The following ARHGEF12 variants were observed in gnomAD, a reference collection of about 807,000 sequenced individuals.
The protein encoded by ARHGEF12 is Rho guanine nucleotide exchange factor 12.
In ARHGEF12, 66 loss-of-function variants were observed where a neutral mutation model predicts 211.2. That is an observed-to-expected ratio of 0.31 (90% CI 0.26 to 0.38). The LOEUF (loss-of-function observed/expected upper bound fraction) is 0.38, where lower values mean the gene tolerates loss of function less well. ARHGEF12 is among the 10% of genes least tolerant of loss of function. ARHGEF12 has a pLI of 1.00. For missense variants in ARHGEF12, 1,429 were observed against 1,869.5 expected (o/e 0.76, Z 4.34); for synonymous variants, 592 against 638.4 (o/e 0.93, Z 1.09).
At chr11:120,374,573 A>G (rs1437441476) in intron 1 of ARHGEF12, among the ~76,000 whole-genome samples, 4 of 152,186 alleles carry the variant, frequency 2.6e-5, no homozygotes, top group Non-Finnish European at 4.4e-5. Flanking sequence ...TCTGGGGTAG[A>G]TGGCCTTACG....
At chr11:120,451,981 A>G (rs1257100989) in intron 22 of ARHGEF12, among the ~76,000 whole-genome samples, 2 of 152,210 alleles carry the variant, frequency 1.3e-5, no homozygotes, top group African/African-American at 4.8e-5. Flanking sequence ...TTATACACAG[A>G]TGCTTGCCTC....
In ARHGEF12 at chr11:120,486,526, T is replaced by C. The variant is rs189900551; in HGVS notation, c.*1449T>C. The C allele has an allele frequency of 5.7e-5, 13 of 228,732 alleles. No individual in the cohort carries two copies. The highest frequency in any genetic ancestry group is 5.1e-4 in the Admixed American group (9 of 17,650). 14.2% of individuals were successfully genotyped at this position (228,732 alleles called of 1,614,324 possible). ...TAATTTGAGAACTCCTTCAATTATA[T>C]TGACTTTCTTTGGTTTTCCTTGTGC... On this transcript the variant is annotated 3_prime_UTR_variant, in exon 41 of 41. Coordinates refer to ENST00000397843, the MANE Select transcript of ARHGEF12 (RefSeq NM_015313.3).
At chr11:120,401,098 G>A (rs1944537507) in intron 1 of ARHGEF12, among the ~76,000 whole-genome samples, 1 of 152,094 alleles carries the variant, frequency 6.6e-6, no homozygotes, top group Admixed American at 6.5e-5. Flanking sequence ...TCATGCTTTG[G>A]TTCTATATGC....
intron 22 of ARHGEF12, among the ~76,000 whole-genome samples, 155 bp downstream of exon 22, chr11:120,451,879 G>A (rs568309011): frequency 2.0e-5 from 3 of 152,112 alleles, no homozygotes; most frequent in Non-Finnish European, 2.9e-5. Flanking sequence ...AATCTATGCC[G>A]AATGATAACT....
intron 1 of ARHGEF12, among the ~76,000 whole-genome samples, chr11:120,383,027 T>C (rs1943921058): frequency 6.6e-6 from 1 of 152,124 alleles, no homozygotes; most frequent in Non-Finnish European, 1.5e-5. Context: ...TGGTCCCAGC[T>C]GCTTGGGAGG....
Position 120,420,856 on chromosome 11 carries a change from G to A in ARHGEF12, c.298+5G>A. On this transcript the variant is annotated splice_donor_5th_base_variant and intron_variant, in intron 5 of 40. Transcript: ENST00000397843. ...TCGTACAGTCTGTCAAAGAAGGCAA[G>A]GCATTTTAAAAAACAATTTATCACT... 6.2e-7 allele frequency: 1 copy of A among 1,612,458 alleles called. No individual in the cohort carries two copies. The highest frequency in any genetic ancestry group is 8.5e-7 in the Non-Finnish European group (1 of 1,178,870).
At chr11:120,466,155 C>G (rs1946700908) in intron 28 of ARHGEF12, among the ~76,000 whole-genome samples, 1 of 152,204 alleles carries the variant, frequency 6.6e-6, no homozygotes, top group Non-Finnish European at 1.5e-5. Context: ...CAGGTTCCTC[C>G]CTTGAGAGTT....
chr11:120,420,268 C>A (rs1945146585), intron 4 of ARHGEF12, among the ~76,000 whole-genome samples: 1 of 152,052 alleles, frequency 6.6e-6, no homozygotes, highest in Non-Finnish European at 1.5e-5. Flanking sequence ...TTACTGTTTT[C>A]CTGAGTATAT....
rs960704580 is a variant in ARHGEF12 at position 120,336,542 on chromosome 11, T to C, written c.-702T>C. 6.6e-6 allele frequency among the ~76,000 whole-genome samples: 1 copy of C among 151,900 alleles called. No homozygotes were observed. Among genetic ancestry groups the C allele is most frequent in the Non-Finnish European group, 1.5e-5 (1 of 67,916 alleles). On this transcript the variant is annotated 5_prime_UTR_variant, in exon 1 of 41. Coordinates refer to ENST00000397843, the MANE Select transcript of ARHGEF12 (RefSeq NM_015313.3). ...AGCGTCGGGGAGGAGCCGCCGCCTC[T>C]GGCGATTGCGGAAGAGTCCGGGCCT...
At position 120,467,091 on chromosome 11, in the gene ARHGEF12, TAA is replaced by T. The variant is rs1591630532; in HGVS notation, c.2740-102_2740-101del. 6 of 676,822 alleles carry T rather than the reference TAA, an allele frequency of 8.9e-6. No individual in the cohort carries two copies. In the East Asian group the frequency reaches 1.6e-4, roughly 19 times the overall value. 41.9% of individuals were successfully genotyped at this position (676,822 alleles called of 1,614,324 possible). A position where few individuals can be genotyped will look rare whatever the true frequency, so the allele number is the denominator to read the frequency against. On this transcript the variant is annotated intron_variant, in intron 28 of 40. Coordinates refer to ENST00000397843, the MANE Select transcript of ARHGEF12 (RefSeq NM_015313.3). ...TTGGCATTTTTTAAAGATCTTGATT[TAA>T]TAACCAGAACTGTGATGCATTAAAC...
At chr11:120,446,798 C>T (rs1036794439) in intron 17 of ARHGEF12, 150 bp from the exon 18 acceptor site, 3 of 946,418 alleles carry the variant, frequency 3.2e-6, no homozygotes, top group Non-Finnish European at 4.6e-6. Context: ...ATTTTTTCCT[C>T]TGGTATCCTA....
intron 13 of ARHGEF12, 151 bp from the exon 14 acceptor site, chr11:120,441,556 G>A (rs759866547): frequency 2.7e-5 from 16 of 591,742 alleles, no homozygotes; most frequent in Non-Finnish European, 4.4e-5. Context: ...CATAGCTTCT[G>A]TTGCTAATAA....
intron 4 of ARHGEF12, chr11:120,411,224 T>C (rs1049490960): frequency 6.6e-6 from 1 of 152,202 alleles, no homozygotes; most frequent in South Asian, 2.1e-4. Context: ...TGGAAGGAAC[T>C]GAGTCCACAA....
chr11:120,445,560 T>C, intron 16 of ARHGEF12, 96 bp downstream of exon 16: 1 of 1,186,242 alleles, frequency 8.4e-7, no homozygotes, highest in Non-Finnish European at 1.3e-6. Flanking sequence ...TGGTGACTAG[T>C]CGATCACCTG....
chr11:120,373,917 C>T (rs1943656185), intron 1 of ARHGEF12, among the ~76,000 whole-genome samples: 3 of 152,204 alleles, frequency 2.0e-5, no homozygotes, highest in Admixed American at 1.3e-4. Flanking sequence ...AAGTGATTCC[C>T]CTGCCTCAGC....
chr11:120,452,091 G>A (rs187937901), intron 22 of ARHGEF12, among the ~76,000 whole-genome samples: 3 of 152,280 alleles, frequency 2.0e-5, no homozygotes, highest in Admixed American at 2.0e-4. Flanking sequence ...GAGGGAACTG[G>A]TCAGTAGTTA....
At position 120,364,891 on chromosome 11, in the gene ARHGEF12, T is replaced by C. The variant is rs377065903; in HGVS notation, c.32+27616T>C. ...TGAGTGCAGTGGGCACAATCACAGC[T>C]CACTGTAGCCTCAGCCTCTCAAGTA... is the stretch of plus-strand genomic sequence containing the variant. On this transcript the variant is annotated intron_variant, in intron 1 of 40. Transcript: ENST00000397843. Among the ~76,000 whole-genome samples, 3 of 146,950 alleles carry C rather than the reference T, an allele frequency of 2.0e-5. No individual in the cohort carries two copies. In the East Asian group the frequency reaches 6.1e-4, roughly 30 times the overall value.
chr11:120,446,905 T>G, intron 17 of ARHGEF12, 43 bp from the exon 18 acceptor site: 1 of 1,591,354 alleles, frequency 6.3e-7, no homozygotes, highest in Middle Eastern at 1.7e-4. Flanking sequence ...AATGAGGTAG[T>G]TTTTCTTTAG....
chr11:120,399,404 A>G (rs1341464420), intron 1 of ARHGEF12, among the ~76,000 whole-genome samples: 1 of 149,410 alleles, frequency 6.7e-6, no homozygotes, highest in Non-Finnish European at 1.5e-5. Flanking sequence ...GATGGTACAC[A>G]TTTTTAGAGC....
Sources: gnomAD v4.1 joint callset for allele counts (sites outside exome capture counted in the v4.1 genomes callset) on GRCh38, gnomAD v4.1.1 for gene constraint, MANE v1.5 for transcripts, NCBI Gene and HGNC (gene_info 2026-07-23, HGNC 2026-07-21) for gene names.